Variants in SLC3A2 observed in about 807,000 individuals in gnomAD.
The protein encoded by SLC3A2 is amino acid transporter heavy chain SLC3A2.
SLC3A2 carries 32 observed loss-of-function variants against 48.5 expected under a neutral mutation model. That is an observed-to-expected ratio of 0.66 (90% confidence interval 0.50 to 0.89). The LOEUF (loss-of-function observed/expected upper bound fraction) is 0.89. Among genes scored for constraint, SLC3A2 ranks in the 40% least tolerant of loss-of-function variants. SLC3A2 has a pLI of 0.00. For synonymous variants in SLC3A2, 277 were observed against 288.8 expected (o/e 0.96, Z 0.41); for missense variants, 587 against 680.7 (o/e 0.86, Z 1.53).
At chr11:62,872,062 A>G (rs1006704869) in intron 1 of SLC3A2, among the ~76,000 whole-genome samples, 1 of 151,962 alleles carries the variant, frequency 6.6e-6, no homozygotes, top group African/African-American at 2.4e-5. Flanking sequence ...ACAGGCACAC[A>G]CCGCCACGCC....
chr11:62,888,594 C>T lies in SLC3A2; in HGVS notation c.1491C>T (p.Ser497=), dbSNP rs2085747292. The T allele has an allele frequency of 1.2e-6, 2 of 1,613,254 alleles. No homozygotes were observed. Among genetic ancestry groups the T allele is most frequent in the East Asian group, 4.5e-5 (2 of 44,872 alleles). The stretch of plus-strand genomic sequence containing the variant: ...CAGCCAAGGCTGACCTCCTGCTCAG[C>T]ACCCAGCCAGGCCGTGAGGAGGGCT... ...SLPAKADLLL[S]TQPGREEGSP... Residue 497 remains serine, a synonymous_variant, in exon 9 of 9, where the codon AGC becomes AGT. Transcript: ENST00000338663.
At chr11:62,880,021 C>T (rs566176204), upstream of SLC3A2, among the ~76,000 whole-genome samples, 2 of 152,284 alleles carry the variant, frequency 1.3e-5, no homozygotes. Context: ...CTGGCCATGG[C>T]ATCTTCTGGT....
chr11:62,879,309 G>A (rs1166476138), upstream of SLC3A2, among the ~76,000 whole-genome samples: 1 of 152,162 alleles, frequency 6.6e-6, no homozygotes, highest in Admixed American at 6.5e-5. Flanking sequence ...GTCTCACTAT[G>A]TTGCCCCGTC....
chr11:62,858,638 A>G (rs1203491744), intron 1 of SLC3A2, among the ~76,000 whole-genome samples: 2 of 152,160 alleles, frequency 1.3e-5, no homozygotes, highest in Non-Finnish European at 2.9e-5. Flanking sequence ...CCGGGGAACC[A>G]GCGTTCAGCA....
intron 1 of SLC3A2, among the ~76,000 whole-genome samples, chr11:62,861,771 C>CA (rs2085400530): frequency 1.3e-5 from 2 of 151,930 alleles, no homozygotes; most frequent in Non-Finnish European, 1.5e-5. Flanking sequence ...CAAAATCAGC[C>CA]AGGCGTGGTG....
chr11:62,874,604 C>T (rs921353376), intron 1 of SLC3A2, among the ~76,000 whole-genome samples: 1 of 152,130 alleles, frequency 6.6e-6, no homozygotes, highest in Non-Finnish European at 1.5e-5. Flanking sequence ...CAGCCAGTGT[C>T]CCTCCTATAG....
chr11:62,873,321 C>T (rs933701294), intron 1 of SLC3A2, among the ~76,000 whole-genome samples: 1 of 151,910 alleles, frequency 6.6e-6, no homozygotes, highest in Non-Finnish European at 1.5e-5. Flanking sequence ...AACCCCGTCT[C>T]TACTAAAAAT....
rs118095396 is a variant in SLC3A2 at position 62,880,949 on chromosome 11, G to A, written c.-75G>A. 27,396 of 1,488,560 alleles carry A rather than the reference G, an allele frequency of 0.018. 322 individuals are homozygous for A. The highest frequency in any genetic ancestry group is 0.033 in the South Asian group (2,329 of 71,478). 92.2% of individuals were successfully genotyped at this position (1,488,560 alleles called of 1,614,324 possible). Reference sequence around the variant, plus strand: ...CACAGAGGCCGGGGAGAGCGTTCTGGGTCCGAGGGTCCAGGTAGGGGTTGA... The same window carrying A: ...CACAGAGGCCGGGGAGAGCGTTCTGAGTCCGAGGGTCCAGGTAGGGGTTGA... On this transcript the variant is annotated 5_prime_UTR_variant, in exon 1 of 9. Coordinates refer to ENST00000338663, the MANE Select transcript of SLC3A2 (RefSeq NM_001013251.3).
intron 3 of SLC3A2, chr11:62,884,117 G>T: frequency 2.0e-6 from 1 of 494,808 alleles, no homozygotes; most frequent in Non-Finnish European, 3.9e-6. Context: ...AAATAGGTAT[G>T]CTAACATTCC....
At chr11:62,882,417 A>C (rs2085654422) in intron 2 of SLC3A2, 1 of 273,906 alleles carries the variant, frequency 3.7e-6, no homozygotes, top group Non-Finnish European at 7.0e-6. Context: ...ACATGTTTAA[A>C]AAGGTTCACT....
At chr11:62,875,809 C>T (rs377146429) in intron 1 of SLC3A2, among the ~76,000 whole-genome samples, 10 of 152,230 alleles carry the variant, frequency 6.6e-5, no homozygotes, top group East Asian at 1.9e-4. Context: ...TCAGGTGATC[C>T]GCCCGCCTCA....
intron 3 of SLC3A2, 80 bp from the exon 4 acceptor site, chr11:62,884,377 T>G (rs191371745): frequency 6.4e-5 from 94 of 1,466,094 alleles, no homozygotes; most frequent in Non-Finnish European, 8.1e-5. Context: ...GTGTGGTGGG[T>G]GAGGTTTAGT....
At chr11:62,860,936 G>C (rs954424551) in intron 1 of SLC3A2, among the ~76,000 whole-genome samples, 2 of 152,158 alleles carry the variant, frequency 1.3e-5, no homozygotes, top group African/African-American at 2.4e-5. Flanking sequence ...ATGTTTCTGC[G>C]AGCACAGGGT....
At chr11:62,859,069 G>A (rs1170561139) in intron 1 of SLC3A2, among the ~76,000 whole-genome samples, 2 of 152,178 alleles carry the variant, frequency 1.3e-5, no homozygotes, top group East Asian at 3.9e-4. Context: ...CGCTTTACGG[G>A]TGTCGGGCTG....
rs1399354573 is a variant in SLC3A2 at position 62,881,985 on chromosome 11, C to G, written c.517C>G (p.Gln173Glu). ...IHKNQKDDVAQTDLLQIDPNF... is the reference protein window; with the variant it reads ...IHKNQKDDVAETDLLQIDPNF... ...CAAGAACCAGAAGGATGATGTCGCTCAGACTGACTTGCTGCAGATCGACCC... is the reference window on the plus strand; with the variant it reads ...CAAGAACCAGAAGGATGATGTCGCTGAGACTGACTTGCTGCAGATCGACCC... Residue 173 changes from glutamine to glutamate, a missense_variant, in exon 2 of 9, where the codon CAG becomes GAG. Physicochemically the swap from Gln to Glu is conservative, Grantham distance 29. Coordinates refer to ENST00000338663, the MANE Select transcript of SLC3A2 (RefSeq NM_001013251.3). This position sits in a 1 kb window ranked among gnomAD's most constrained non-coding sequence, Gnocchi z 4.0. 1.2e-6 allele frequency: 2 copies of G among 1,614,094 alleles called. No individual in the cohort carries two copies. Among genetic ancestry groups the G allele is most frequent in the African/African-American group, 1.3e-5 (1 of 74,930 alleles).
intron 1 of SLC3A2, among the ~76,000 whole-genome samples, chr11:62,862,130 A>G (rs1590616558): frequency 6.6e-6 from 1 of 151,540 alleles, no homozygotes. Flanking sequence ...CAGCCTGGGC[A>G]ACATGGTGAA....
intron 7 of SLC3A2, chr11:62,887,815 CAG>C (rs2085734460): frequency 5.0e-6 from 1 of 201,746 alleles, no homozygotes; most frequent in Non-Finnish European, 1.0e-5. Flanking sequence ...TTTTTTGAGA[CAG>C]GGTCTCACTC....
intron 1 of SLC3A2, among the ~76,000 whole-genome samples, chr11:62,873,969 A>ATTTTTTTTTT (rs573491653): frequency 2.6e-5 from 1 of 38,866 alleles, no homozygotes; most frequent in African/African-American, 1.0e-4. Flanking sequence ...TGCCCAGCTA[A>ATTTTTTTTTT]TTTTTTTTTT....
At chr11:62,879,888 GCTT>G (rs1481869387), upstream of SLC3A2, among the ~76,000 whole-genome samples, 2 of 152,178 alleles carry the variant, frequency 1.3e-5, no homozygotes, top group Non-Finnish European at 2.9e-5. Context: ...GGAATTCTAG[GCTT>G]CTTCAAAGCC....
Sources: gnomAD v4.1 joint callset for allele counts (sites outside exome capture counted in the v4.1 genomes callset) on GRCh38, gnomAD v4.1.1 for gene constraint, Gnocchi (gnomAD v3.1) non-coding constraint, MANE v1.5 for transcripts, NCBI Gene and HGNC (gene_info 2026-07-23, HGNC 2026-07-21) for gene names.